DNAJC3: variants seen among roughly 807,000 people sequenced by gnomAD.
DNAJC3 encodes dnaJ homolog subfamily C member 3.
A neutral mutation model predicts 68.6 loss-of-function variants in DNAJC3; 38 were observed. The observed-to-expected ratio is 0.55, with a 90% CI of 0.43 to 0.73. The LOEUF is 0.73. Ranked by LOEUF, DNAJC3 falls within the 30% of genes least tolerant of loss-of-function variation. DNAJC3 has a pLI of 0.00. For missense variants in DNAJC3, 526 were observed against 591.9 expected, an observed-to-expected ratio of 0.89 and a Z score of 1.16; for synonymous variants, 203 against 204.0, an observed-to-expected ratio of 1.00 and a Z score of 0.04.
chr13:95,743,474 G>A (rs558062334), intron 4 of DNAJC3, among the ~76,000 whole-genome samples: 1 of 152,318 alleles, frequency 6.6e-6, no homozygotes, highest in Admixed American at 6.5e-5. Flanking sequence ...ACCTTCTTAA[G>A]TTAGGTTTTC....
intron 9 of DNAJC3, among the ~76,000 whole-genome samples, chr13:95,780,564 G>T: frequency 6.6e-6 from 1 of 152,182 alleles, no homozygotes. Flanking sequence ...GCACCTGTCA[G>T]CAGCCCTTGT....
intron 2 of DNAJC3, among the ~76,000 whole-genome samples, chr13:95,717,884 G>A (rs1413580324): frequency 2.0e-5 from 3 of 152,120 alleles, no homozygotes; most frequent in South Asian, 2.1e-4. Flanking sequence ...GCATGAAAAC[G>A]GACTAACGCA....
intron 7 of DNAJC3, among the ~76,000 whole-genome samples, chr13:95,761,641 A>T (rs1882823894): frequency 6.6e-6 from 1 of 152,150 alleles, no homozygotes; most frequent in East Asian, 1.9e-4. Context: ...TTATAGCCAC[A>T]CCTACTTCCC....
At chr13:95,755,661 G>A (rs530423262) in intron 4 of DNAJC3, among the ~76,000 whole-genome samples, 31 of 148,810 alleles carry the variant, frequency 2.1e-4, no homozygotes, top group Non-Finnish European at 3.8e-4. Context: ...GGAGGCTGAG[G>A]CAGGAGAATT....
At position 95,794,160 on chromosome 13, in the gene DNAJC3, G is replaced by GCCCTGA. The variant is rs1260673415; in HGVS notation, c.*3131_*3136dup. 1.3e-5 allele frequency: 2 copies of GCCCTGA among 152,016 alleles called. No homozygotes were observed. The highest frequency in any genetic ancestry group is 4.8e-5 in the African/African-American group (2 of 41,370). 9.4% of individuals were successfully genotyped at this position (152,016 alleles called of 1,614,324 possible). On this transcript the variant is annotated 3_prime_UTR_variant, in exon 12 of 12. Coordinates refer to ENST00000602402, the MANE Select transcript of DNAJC3 (RefSeq NM_006260.5). ...ATTGGTATGAAAACAAATTTTTGTT[G>GCCCTGA]CCCTGATAATGGAATTTTAAAACTA...
intron 9 of DNAJC3, among the ~76,000 whole-genome samples, chr13:95,777,080 G>T (rs1883313513): frequency 6.6e-6 from 1 of 152,134 alleles, no homozygotes; most frequent in Non-Finnish European, 1.5e-5. Flanking sequence ...AGTTTCCTCA[G>T]GGAGGTCCTA....
chr13:95,768,178 G>C (rs540562663), intron 9 of DNAJC3, among the ~76,000 whole-genome samples: 4 of 152,010 alleles, frequency 2.6e-5, no homozygotes, highest in Non-Finnish European at 5.9e-5. Context: ...TTGCTATATG[G>C]TTTCAATCAA....
intron 11 of DNAJC3, among the ~76,000 whole-genome samples, chr13:95,788,467 A>G (rs906646807): frequency 2.6e-5 from 4 of 152,364 alleles, no homozygotes; most frequent in African/African-American, 7.2e-5. Context: ...TCTTCTGTTC[A>G]GGATGAACTA....
At chr13:95,741,927 C>A (rs1312626620) in intron 4 of DNAJC3, among the ~76,000 whole-genome samples, 1 of 152,170 alleles carries the variant, frequency 6.6e-6, no homozygotes, top group East Asian at 1.9e-4. Flanking sequence ...CAGAACTATC[C>A]TCAGGCCCTT....
At chr13:95,702,137 G>A (rs777958249) in intron 1 of DNAJC3, among the ~76,000 whole-genome samples, 10 of 152,068 alleles carry the variant, frequency 6.6e-5, no homozygotes, top group South Asian at 2.1e-4. Context: ...ATAATGAAAC[G>A]TCCATATTTT....
chr13:95,760,689 G>A lies in DNAJC3; in HGVS notation c.739G>A (p.Glu247Lys). 6.2e-7 allele frequency: 1 copy of A among 1,607,122 alleles called. No homozygotes were observed. Among genetic ancestry groups the A allele is most frequent in the Non-Finnish European group, 8.5e-7 (1 of 1,177,396 alleles). ...DHELSLSEVR[E>K]CLKLDQDHKR... Reference sequence around the variant, plus strand: ...TAAATACATGAACAGTGAAGTTCGGGAATGTCTTAAACTTGACCAGGATCA... The same window carrying A: ...TAAATACATGAACAGTGAAGTTCGGAAATGTCTTAAACTTGACCAGGATCA... The change falls in exon 7 of 12, where the codon GAA becomes AAA. Residue 247 changes from glutamate (E) to lysine (K), a missense_variant. Coordinates refer to ENST00000602402, the MANE Select transcript of DNAJC3 (RefSeq NM_006260.5).
chr13:95,771,329 A>G lies in DNAJC3; in HGVS notation c.1075+7376A>G, dbSNP rs1883152965. Among the ~76,000 whole-genome samples, 2 of 152,210 alleles carry G rather than the reference A, an allele frequency of 1.3e-5. 1 individual carries two copies. Among genetic ancestry groups the G allele is most frequent in the South Asian group, 4.1e-4 (2 of 4,834 alleles). ...TTAATGACTCTTGTTAAAGACAGTA[A>G]GTCAGACTTTATTCAAGGGGGACTA... On this transcript the variant is annotated intron_variant, in intron 9 of 11. Coordinates refer to ENST00000602402, the MANE Select transcript of DNAJC3 (RefSeq NM_006260.5).
intron 1 of DNAJC3, among the ~76,000 whole-genome samples, chr13:95,699,034 G>A (rs73550533): frequency 0.017 from 2,599 of 152,296 alleles, 79 homozygotes; most frequent in African/African-American, 0.06. Context: ...TGGATTTGAA[G>A]GAAGGTAAGA....
intron 1 of DNAJC3, among the ~76,000 whole-genome samples, chr13:95,702,367 A>G (rs1480406869): frequency 2.0e-5 from 3 of 152,216 alleles, no homozygotes; most frequent in East Asian, 3.8e-4. Context: ...TGCGTTGGCT[A>G]CTTAGTTTCC....
chr13:95,723,146 G>A (rs1881391847), intron 2 of DNAJC3, 96 bp from the exon 3 acceptor site: 3 of 1,093,128 alleles, frequency 2.7e-6, no homozygotes, highest in Non-Finnish European at 3.8e-6. Flanking sequence ...CATCTTAGTA[G>A]AGTTGCAAGT....
chr13:95,757,896 A>G, intron 5 of DNAJC3, 100 bp downstream of exon 5: 1 of 1,306,448 alleles, frequency 7.7e-7, no homozygotes. Flanking sequence ...TAGACAGGAG[A>G]AAATCAGGTT....
Position 95,725,283 on chromosome 13 carries a change from G to A in DNAJC3, c.393+31G>A, listed in dbSNP as rs200278589. ...TTCAATATGTATTTGACTCTAGGAA[G>A]ATGTTATTTTGAGAGAACGTATTTG... is the stretch of plus-strand genomic sequence containing the variant. On this transcript the variant is annotated intron_variant, in intron 4 of 11. Transcript: ENST00000602402. The A allele has an allele frequency of 2.6e-5, 40 of 1,510,774 alleles. No homozygotes were observed. The East Asian group carries it at 3.7e-4, about 14-fold the overall frequency. 93.6% of individuals were successfully genotyped at this position (1,510,774 alleles called of 1,614,324 possible).
At chr13:95,696,288 A>G (rs774339154) in intron 1 of DNAJC3, among the ~76,000 whole-genome samples, 19 of 152,270 alleles carry the variant, frequency 1.2e-4, no homozygotes, top group South Asian at 1.0e-3. Flanking sequence ...CCTCCAAGAA[A>G]TCATCATCCC....
intron 2 of DNAJC3, among the ~76,000 whole-genome samples, chr13:95,722,365 T>C (rs551124257): frequency 1.8e-4 from 27 of 152,282 alleles, no homozygotes; most frequent in South Asian, 6.2e-4. Context: ...ATCAATTTAG[T>C]CAGAGGTTTA....
Sources: gnomAD v4.1 joint callset for allele counts (sites outside exome capture counted in the v4.1 genomes callset) on GRCh38, gnomAD v4.1.1 for gene constraint, MANE v1.5 for transcripts, NCBI Gene and HGNC (gene_info 2026-07-23, HGNC 2026-07-21) for gene names.